TJP1: variants seen among roughly 807,000 people sequenced by gnomAD.
TJP1 encodes the protein tight junction protein 1, also known as tight junction protein ZO-1.
TJP1 carries 43 observed loss-of-function variants against 194.2 expected under a neutral mutation model. That is an observed-to-expected ratio of 0.22 (90% CI 0.17 to 0.29). TJP1 has a LOEUF of 0.29. Among genes scored for constraint, TJP1 ranks in the 10% least tolerant of loss-of-function variants. The probability of loss-of-function intolerance (pLI) is 1.00; values close to 1 mark genes in which losing one functional copy is unlikely to be tolerated. For synonymous variants in TJP1, 801 were observed against 779.0 expected, an observed-to-expected ratio of 1.03 and a Z score of -0.47; for missense variants, 1,971 against 2,185.7, an observed-to-expected ratio of 0.90 and a Z score of 1.96.
upstream of TJP1, among the ~76,000 whole-genome samples, chr15:29,825,880 T>C (rs1257888625): frequency 6.6e-6 from 1 of 152,182 alleles, no homozygotes; most frequent in Non-Finnish European, 1.5e-5. Flanking sequence ...GCCAATAAAG[T>C]CATGTAACAA....
At position 29,846,783 on chromosome 15, in the gene TJP1, G is replaced by A. The variant is rs370811893; in HGVS notation, c.307-46081C>T. 1.6e-4 allele frequency among the ~76,000 whole-genome samples: 25 copies of A among 152,054 alleles called. No homozygotes were observed. In the East Asian group the frequency reaches 4.7e-3, roughly 29 times the overall value. Reference sequence around the variant, plus strand: ...TACTAAAAATACAAAAAAGTTAGCCGGGCCTGGTGGCGGGTGCCTGTAGTC... The same window carrying A: ...TACTAAAAATACAAAAAAGTTAGCCAGGCCTGGTGGCGGGTGCCTGTAGTC... On this transcript the variant is annotated intron_variant, in intron 2 of 28. Transcript: ENST00000356107.
intron 10 of TJP1, among the ~76,000 whole-genome samples, chr15:29,740,647 C>A (rs1227618925): frequency 6.6e-6 from 1 of 151,666 alleles, no homozygotes; most frequent in Non-Finnish European, 1.5e-5. Flanking sequence ...AAAAACTAAC[C>A]AAACAAACAA....
chr15:29,735,121 A>G (rs1457264825), intron 11 of TJP1, among the ~76,000 whole-genome samples: 51 of 152,122 alleles, frequency 3.4e-4, no homozygotes, highest in Admixed American at 3.3e-3. Context: ...CTAAATGCCA[A>G]AATGAACTTA....
At chr15:29,796,282 C>T (rs2048395803) in intron 2 of TJP1, among the ~76,000 whole-genome samples, 2 of 150,532 alleles carry the variant, frequency 1.3e-5, no homozygotes, top group South Asian at 4.2e-4. Context: ...GGAAAACACC[C>T]AGGAATCTAA....
chr15:29,918,669 G>T (rs2054262738), intron 2 of TJP1, among the ~76,000 whole-genome samples: 1 of 152,116 alleles, frequency 6.6e-6, no homozygotes, highest in African/African-American at 2.4e-5. Context: ...GCCTGGGGAG[G>T]TCGAGGCTGC....
chr15:29,953,140 A>ATTTTTTT (rs71416442), intron 2 of TJP1, among the ~76,000 whole-genome samples: 21,992 of 109,620 alleles, frequency 0.2, 4,366 homozygotes, highest in East Asian at 0.64. Flanking sequence ...AAGAAGACAG[A>ATTTTTTT]TTTTTTTTTT....
intron 8 of TJP1, among the ~76,000 whole-genome samples, chr15:29,754,926 T>A (rs541334344): frequency 1.2e-4 from 18 of 152,288 alleles, no homozygotes; most frequent in Non-Finnish European, 2.2e-4. Flanking sequence ...AAATAATATT[T>A]ATAGTTCTCA....
intron 2 of TJP1, among the ~76,000 whole-genome samples, chr15:29,797,252 C>T (rs574387397): frequency 3.3e-5 from 5 of 152,248 alleles, no homozygotes; most frequent in Admixed American, 1.3e-4. Flanking sequence ...TGGGCTCAAG[C>T]GATTCTCCTG....
At chr15:29,758,386 T>C (rs2045785297) in intron 8 of TJP1, among the ~76,000 whole-genome samples, 1 of 151,738 alleles carries the variant, frequency 6.6e-6, no homozygotes, top group Admixed American at 6.6e-5. Flanking sequence ...TTAAGATACC[T>C]AGGAGAAAAA....
chr15:29,732,366 A>AT, intron 15 of TJP1, 67 bp downstream of exon 15: 1 of 1,291,436 alleles, frequency 7.7e-7, no homozygotes, highest in Non-Finnish European at 1.1e-6. Context: ...GAATGAGTGA[A>AT]TCAGAACTCA....
chr15:29,705,373 C>G (rs2041825995), intron 26 of TJP1, among the ~76,000 whole-genome samples, 155 bp downstream of exon 26: 2 of 152,200 alleles, frequency 1.3e-5, no homozygotes, highest in South Asian at 2.1e-4. Context: ...CCACCCACTG[C>G]TTGCTTGCAA....
intron 27 of TJP1, among the ~76,000 whole-genome samples, chr15:29,702,530 C>T (rs1221607345): frequency 6.6e-6 from 1 of 152,118 alleles, no homozygotes; most frequent in Non-Finnish European, 1.5e-5. Flanking sequence ...CCTGATGGGA[C>T]ATCTGGAGAC....
intron 1 of TJP1, among the ~76,000 whole-genome samples, chr15:29,962,895 T>C (rs2056208014): frequency 6.6e-6 from 1 of 152,196 alleles, no homozygotes; most frequent in African/African-American, 2.4e-5. Context: ...TCCCAGCACT[T>C]TGGGAGGCCA....
At chr15:29,718,213 G>A in intron 21 of TJP1, 53 bp downstream of exon 21, 2 of 1,594,580 alleles carry the variant, frequency 1.3e-6, no homozygotes, top group African/African-American at 1.4e-5. Flanking sequence ...GGAGAGCCAA[G>A]AAGCCTTTTA....
intron 8 of TJP1, among the ~76,000 whole-genome samples, chr15:29,746,246 C>T (rs1483194827): frequency 4.6e-5 from 7 of 151,910 alleles, no homozygotes; most frequent in South Asian, 4.2e-4. Context: ...GGCGTGGTGG[C>T]GGGAGCCTGC....
intron 27 of TJP1, 79 bp from the exon 28 acceptor site, chr15:29,701,768 A>G: frequency 1.0e-6 from 1 of 994,664 alleles, no homozygotes; most frequent in Admixed American, 2.0e-5. Flanking sequence ...TAGGGCAAAT[A>G]CGTATATTTA....
chr15:29,805,713 C>T (rs1356776858), intron 1 of TJP1, among the ~76,000 whole-genome samples: 1 of 152,112 alleles, frequency 6.6e-6, no homozygotes, highest in Non-Finnish European at 1.5e-5. Flanking sequence ...AAGATATGAG[C>T]TTTTTGCACC....
intron 2 of TJP1, among the ~76,000 whole-genome samples, chr15:29,793,440 T>A (rs908470811): frequency 6.6e-6 from 1 of 152,176 alleles, no homozygotes; most frequent in African/African-American, 2.4e-5. Flanking sequence ...CACATTGCTA[T>A]AAAGAAATAC....
chr15:29,745,609 C>A (rs1034135079), intron 8 of TJP1, among the ~76,000 whole-genome samples: 1 of 152,156 alleles, frequency 6.6e-6, no homozygotes, highest in African/African-American at 2.4e-5. Flanking sequence ...ACAGCTATAT[C>A]AGTAATCTGG....
Sources: allele counts gnomAD v4.1 joint callset (sites outside exome capture counted in the v4.1 genomes callset), GRCh38; gene constraint gnomAD v4.1.1; transcripts MANE v1.5; gene names NCBI Gene and HGNC (gene_info 2026-07-23, HGNC 2026-07-21).